Variants in KIF2A observed in about 807,000 individuals in gnomAD.
The protein encoded by KIF2A is kinesin-like protein KIF2A.
A neutral mutation model predicts 100.2 loss-of-function variants in KIF2A; 22 were observed. The ratio of observed to expected loss-of-function variants is 0.22; its 90% CI spans 0.16 to 0.31. KIF2A has a LOEUF of 0.31. Among genes scored for constraint, KIF2A ranks in the 10% least tolerant of loss-of-function variants. KIF2A has a pLI of 1.00. For missense variants in KIF2A, 495 were observed against 898.7 expected, an observed-to-expected ratio of 0.55 and a Z score of 5.74; for synonymous variants, 268 against 285.9, an observed-to-expected ratio of 0.94 and a Z score of 0.63.
chr5:62,311,449 A>G (rs949309913), intron 1 of KIF2A, among the ~76,000 whole-genome samples: 1 of 152,218 alleles, frequency 6.6e-6, no homozygotes, highest in African/African-American at 2.4e-5. Context: ...GTATTGGTGT[A>G]AAGAGTTCCT....
At chr5:62,332,194 A>T (rs1746689778) in intron 1 of KIF2A, among the ~76,000 whole-genome samples, 1 of 152,218 alleles carries the variant, frequency 6.6e-6, no homozygotes, top group Non-Finnish European at 1.5e-5. Flanking sequence ...TGACAGCTCA[A>T]TGAATATATG....
At chr5:62,335,869 C>G (rs921246839) in intron 1 of KIF2A, among the ~76,000 whole-genome samples, 1 of 152,036 alleles carries the variant, frequency 6.6e-6, no homozygotes, top group African/African-American at 2.4e-5. Flanking sequence ...AAATATGTCT[C>G]TGGATTTTAA....
At chr5:62,371,589 GAC>G (rs1741332491) in intron 16 of KIF2A, among the ~76,000 whole-genome samples, 2 of 152,148 alleles carry the variant, frequency 1.3e-5, no homozygotes, top group Non-Finnish European at 2.9e-5. Context: ...CTCAGTGAAT[GAC>G]CTTAGAGAAG....
chr5:62,306,488 T>G lies in KIF2A; in HGVS notation c.16T>G (p.Phe6Val). 1 of 1,532,432 alleles carries G rather than the reference T, an allele frequency of 6.5e-7. No individual in the cohort carries two copies. The highest frequency in any genetic ancestry group is 8.8e-7 in the Non-Finnish European group (1 of 1,136,174). The allele number at this position is 1,532,432 out of a possible 1,614,324, so 94.9% of individuals were successfully genotyped here. MATAN[F>V]GKIQIGIYVE... The stretch of plus-strand genomic sequence containing the variant: ...AGATGAGGTGATGGCAACGGCCAAC[T>G]TCGGCAAGATCCAGATCGGGATTTA... Residue 6 changes from phenylalanine (F) to valine (V), a missense_variant, in exon 1 of 21, where the codon TTC becomes GTC. Phe to Val is a conservative substitution (Grantham distance 50). Coordinates refer to ENST00000407818, the MANE Select transcript of KIF2A (RefSeq NM_001098511.3).
intron 1 of KIF2A, among the ~76,000 whole-genome samples, chr5:62,319,189 A>ACAAC (rs56780861): frequency 2.7e-5 from 4 of 148,814 alleles, no homozygotes; most frequent in African/African-American, 9.9e-5. Context: ...AACAACAACA[A>ACAAC]AAAACCCAAA....
chr5:62,338,482 G>A (rs946689472), intron 1 of KIF2A, among the ~76,000 whole-genome samples: 6 of 152,048 alleles, frequency 3.9e-5, no homozygotes, highest in African/African-American at 1.4e-4. Context: ...TAGAGTTAGA[G>A]TTCCACCATG....
At chr5:62,346,980 T>C (rs1187711324) in intron 1 of KIF2A, 150 bp from the exon 2 acceptor site, 1 of 542,384 alleles carries the variant, frequency 1.8e-6, no homozygotes, top group East Asian at 3.4e-5. Flanking sequence ...CAAAGTTCAT[T>C]CCCTGTTCCT....
chr5:62,332,576 A>G (rs1351856934), intron 1 of KIF2A, among the ~76,000 whole-genome samples: 2 of 152,146 alleles, frequency 1.3e-5, no homozygotes, highest in Non-Finnish European at 1.5e-5. Context: ...TTTTATTTAT[A>G]TAAATTTTTG....
chr5:62,338,455 A>T (rs1323435191), intron 1 of KIF2A, among the ~76,000 whole-genome samples: 2 of 152,000 alleles, frequency 1.3e-5, no homozygotes, highest in African/African-American at 4.8e-5. Flanking sequence ...CACCTGGATA[A>T]TTTTTTGTAT....
chr5:62,352,015 G>A (rs1460774858), intron 4 of KIF2A, among the ~76,000 whole-genome samples: 1 of 152,112 alleles, frequency 6.6e-6, no homozygotes, highest in Non-Finnish European at 1.5e-5. Context: ...TGAGCCAGGT[G>A]TAGTGGCGTG....
chr5:62,317,290 C>A (rs528142646), intron 1 of KIF2A, among the ~76,000 whole-genome samples: 2 of 152,166 alleles, frequency 1.3e-5, no homozygotes, highest in Non-Finnish European at 2.9e-5. Context: ...TCAGGTCATC[C>A]GCCTGTCTTG....
At chr5:62,337,881 T>C (rs1747055371) in intron 1 of KIF2A, among the ~76,000 whole-genome samples, 1 of 151,710 alleles carries the variant, frequency 6.6e-6, no homozygotes, top group Admixed American at 6.6e-5. Context: ...ATTAATGATA[T>C]AAAAATCCAG....
intron 3 of KIF2A, among the ~76,000 whole-genome samples, chr5:62,348,974 T>G (rs1747711644): frequency 1.3e-5 from 2 of 152,160 alleles, no homozygotes; most frequent in South Asian, 4.1e-4. Context: ...AGCATTTAAA[T>G]ATAGTATAAT....
At chr5:62,338,619 C>CT (rs1311662414) in intron 1 of KIF2A, among the ~76,000 whole-genome samples, 2 of 152,048 alleles carry the variant, frequency 1.3e-5, no homozygotes, top group African/African-American at 4.8e-5. Context: ...ATGTAAGAGA[C>CT]TGTTTTAGGG....
At position 62,331,723 on chromosome 5, in the gene KIF2A, T is replaced by C. The variant is rs191742144; in HGVS notation, c.65-15407T>C. ...AAGACTTGCCATATGTATGGTCATA[T>C]ACCACAATCCTATGATTAGGGTAGT... On this transcript the variant is annotated intron_variant, in intron 1 of 20. Coordinates refer to ENST00000407818, the MANE Select transcript of KIF2A (RefSeq NM_001098511.3). 5.4e-3 allele frequency among the ~76,000 whole-genome samples: 803 copies of C among 147,752 alleles called. 2 individuals carry two copies. Among genetic ancestry groups the C allele is most frequent in the Non-Finnish European group, 8.9e-3 (597 of 67,432 alleles).
chr5:62,346,092 A>G lies in KIF2A; in HGVS notation c.65-1038A>G, dbSNP rs145526709. The stretch of plus-strand genomic sequence containing the variant: ...GCACATAACCTAAGTGACCATCAAT[A>G]GGTATTAAATAATTTATGATAAACA... On this transcript the variant is annotated intron_variant, in intron 1 of 20. Coordinates refer to ENST00000407818, the MANE Select transcript of KIF2A (RefSeq NM_001098511.3). 3.1e-3 allele frequency among the ~76,000 whole-genome samples: 477 copies of G among 152,206 alleles called. 4 individuals carry two copies. The highest frequency in any genetic ancestry group is 0.011 in the African/African-American group (455 of 41,568).
At position 62,373,765 on chromosome 5, in the gene KIF2A, T is replaced by C; in HGVS notation, c.1839T>C (p.Asp613=). The change falls in exon 18 of 21, where the codon GAT becomes GAC. Residue 613 remains aspartate, a synonymous_variant. Coordinates refer to ENST00000407818, the MANE Select transcript of KIF2A (RefSeq NM_001098511.3). ...PIMHHPPNQI[D]DLETQWGVGS... The stretch of plus-strand genomic sequence containing the variant: ...TGCACCATCCACCAAACCAGATTGA[T>C]GACTTAGAGACACAGTGGGGTGTGG... The C allele has an allele frequency of 6.2e-7, 1 of 1,613,442 alleles. No homozygotes were observed. Among genetic ancestry groups the C allele is most frequent in the South Asian group, 1.1e-5 (1 of 91,074 alleles).
Position 62,372,377 on chromosome 5 carries a change from A to G in KIF2A, c.1647-61A>G, listed in dbSNP as rs1251735858. On this transcript the variant is annotated intron_variant, in intron 16 of 20. Coordinates refer to ENST00000407818, the MANE Select transcript of KIF2A (RefSeq NM_001098511.3). ...AGTGAATACTAAATGAAAATGTGCAATGTGCATTGCTGTCTTTCAAGAGCA... is the reference window on the plus strand; with the variant it reads ...AGTGAATACTAAATGAAAATGTGCAGTGTGCATTGCTGTCTTTCAAGAGCA... 3.8e-6 allele frequency: 3 copies of G among 796,398 alleles called. No individual in the cohort carries two copies. The African/African-American group carries it at 5.2e-5, about 14-fold the overall frequency. 49.3% of individuals were successfully genotyped at this position (796,398 alleles called of 1,614,324 possible). A position where few individuals can be genotyped will look rare whatever the true frequency, so the allele number is the denominator to read the frequency against.
At chr5:62,372,642 G>C in intron 17 of KIF2A, 91 bp downstream of exon 17, 2 of 737,164 alleles carry the variant, frequency 2.7e-6, no homozygotes. Flanking sequence ...TTTTTGTCCT[G>C]AGCCATTTTA....
Sources: gnomAD v4.1 joint callset for allele counts (sites outside exome capture counted in the v4.1 genomes callset) on GRCh38, gnomAD v4.1.1 for gene constraint, MANE v1.5 for transcripts, NCBI Gene and HGNC (gene_info 2026-07-23, HGNC 2026-07-21) for gene names.